The following PCSK2 variants were observed in gnomAD, a reference collection of about 807,000 sequenced individuals.
The protein encoded by PCSK2 is neuroendocrine convertase 2.
A neutral mutation model predicts 69.7 loss-of-function variants in PCSK2; 14 were observed. The observed-to-expected ratio is 0.20, with a 90% CI of 0.13 to 0.31. The LOEUF (loss-of-function observed/expected upper bound fraction) is 0.31, where lower values mean the gene tolerates loss of function less well. Among genes scored for constraint, PCSK2 ranks in the 10% least tolerant of loss-of-function variants. The probability of loss-of-function intolerance (pLI) is 1.00; values close to 1 mark genes in which losing one functional copy is unlikely to be tolerated. For missense variants in PCSK2, 544 were observed against 842.5 expected (o/e 0.65, Z 4.39); for synonymous variants, 307 against 320.7 (o/e 0.96, Z 0.46).
intron 5 of PCSK2, among the ~76,000 whole-genome samples, chr20:17,392,888 A>C (rs996017014): frequency 2.0e-5 from 3 of 152,224 alleles, no homozygotes; most frequent in African/African-American, 7.2e-5. Context: ...ATACATCTAC[A>C]CACAGATTTT....
At chr20:17,417,489 C>T (rs1190012207) in intron 6 of PCSK2, among the ~76,000 whole-genome samples, 2 of 152,154 alleles carry the variant, frequency 1.3e-5, no homozygotes, top group Non-Finnish European at 2.9e-5. Flanking sequence ...TTCAAAGATC[C>T]TCACGCACTA....
intron 1 of PCSK2, among the ~76,000 whole-genome samples, chr20:17,249,464 G>T (rs916160941): frequency 7.2e-6 from 1 of 138,322 alleles, no homozygotes; most frequent in African/African-American, 2.8e-5. Flanking sequence ...CCGAGATCGC[G>T]CCACTGCACT....
Position 17,369,244 on chromosome 20 carries a change from T to C in PCSK2, c.510T>C (p.Ile170=). 1.2e-6 allele frequency: 2 copies of C among 1,613,810 alleles called. No individual in the cohort carries two copies. The highest frequency in any genetic ancestry group is 2.2e-5 in the South Asian group (2 of 91,042). Residue 170 remains isoleucine (I), a synonymous_variant, in exon 5 of 12, where the codon ATT becomes ATC. Transcript: ENST00000262545. Reference sequence around the variant, plus strand: ...GTTATTGTTGTCTTTTCACAGGGATTGACTATCTCCACCCGGACCTGGCCT... The same window carrying C: ...GTTATTGTTGTCTTTTCACAGGGATCGACTATCTCCACCCGGACCTGGCCT... ...GVTIGIMDDG[I]DYLHPDLASN...
chr20:17,326,682 C>G (rs1234984290), intron 2 of PCSK2, among the ~76,000 whole-genome samples: 1 of 152,216 alleles, frequency 6.6e-6, no homozygotes, highest in East Asian at 1.9e-4. Context: ...TGGTTTATGA[C>G]AGCAAGAATT....
chr20:17,470,685 A>C (rs556234923), intron 11 of PCSK2, among the ~76,000 whole-genome samples: 1 of 152,332 alleles, frequency 6.6e-6, no homozygotes, highest in South Asian at 2.1e-4. Flanking sequence ...TGGCATCCCT[A>C]GTCTTAATTT....
At chr20:17,384,425 CAA>C (rs11478291) in intron 5 of PCSK2, among the ~76,000 whole-genome samples, 41 of 106,516 alleles carry the variant, frequency 3.8e-4, no homozygotes, top group Middle Eastern at 5.3e-3. Flanking sequence ...CCATATCTAC[CAA>C]AAAAAAAAAA....
At chr20:17,447,930 C>A (rs938822954) in intron 8 of PCSK2, among the ~76,000 whole-genome samples, 1 of 152,116 alleles carries the variant, frequency 6.6e-6, no homozygotes, top group African/African-American at 2.4e-5. Context: ...CGTTCTTATA[C>A]TTTGCATTTA....
chr20:17,335,407 G>GACAGCATC (rs1373491212), intron 2 of PCSK2, among the ~76,000 whole-genome samples: 56 of 140,668 alleles, frequency 4.0e-4, no homozygotes, highest in African/African-American at 1.4e-3. Context: ...TTGTAAGTCA[G>GACAGCATC]ACAGCATCAC....
At chr20:17,439,707 A>T (rs1349892765) in intron 8 of PCSK2, among the ~76,000 whole-genome samples, 1 of 152,240 alleles carries the variant, frequency 6.6e-6, no homozygotes, top group Non-Finnish European at 1.5e-5. Flanking sequence ...GCAAGTTCAC[A>T]TGTAACTTCC....
chr20:17,347,936 G>C (rs55750652), intron 2 of PCSK2, among the ~76,000 whole-genome samples: 1 of 13,202 alleles, frequency 7.6e-5, no homozygotes, highest in Admixed American at 1.3e-3. Context: ...AGAAAAAAGA[G>C]AAAGAAAGAA....
At chr20:17,244,899 G>A (rs548733828) in intron 1 of PCSK2, among the ~76,000 whole-genome samples, 3 of 152,244 alleles carry the variant, frequency 2.0e-5, no homozygotes, top group African/African-American at 4.8e-5. Flanking sequence ...GGGCACGGGC[G>A]GTGGCCTCTT....
chr20:17,293,597 C>T (rs971879622), intron 2 of PCSK2, among the ~76,000 whole-genome samples: 2 of 151,892 alleles, frequency 1.3e-5, no homozygotes, highest in Non-Finnish European at 1.5e-5. Flanking sequence ...TTTCTTTTAA[C>T]GAATTAATTT....
intron 2 of PCSK2, among the ~76,000 whole-genome samples, chr20:17,267,255 G>C (rs6044711): frequency 0.32 from 48,046 of 152,086 alleles, 8,265 homozygotes; most frequent in Middle Eastern, 0.46. Flanking sequence ...TTCTGACCTA[G>C]CCTCCCATCT....
chr20:17,339,346 C>A (rs114403330), intron 2 of PCSK2, among the ~76,000 whole-genome samples: 1,833 of 152,260 alleles, frequency 0.012, 36 homozygotes, highest in African/African-American at 0.042. Flanking sequence ...TGTGAGCCAC[C>A]ACGTCCTGGG....
At chr20:17,287,052 C>T (rs537994388) in intron 2 of PCSK2, among the ~76,000 whole-genome samples, 70 of 152,244 alleles carry the variant, frequency 4.6e-4, no homozygotes, top group African/African-American at 1.6e-3. Context: ...CTTCCTTAAG[C>T]GGACCATAGT....
intron 2 of PCSK2, among the ~76,000 whole-genome samples, chr20:17,268,492 G>A (rs1445690697): frequency 6.6e-6 from 1 of 152,086 alleles, no homozygotes; most frequent in Admixed American, 6.6e-5. Context: ...TATTCATGTG[G>A]ATATCTGGAG....
At chr20:17,275,410 T>C (rs1339255272) in intron 2 of PCSK2, among the ~76,000 whole-genome samples, 1 of 152,046 alleles carries the variant, frequency 6.6e-6, no homozygotes, top group Non-Finnish European at 1.5e-5. Flanking sequence ...AGTTTTATGG[T>C]CCTCAATGTC....
rs560060144 is a variant in PCSK2 at position 17,240,369 on chromosome 20, G to A, written c.177+12887G>A. Among the ~76,000 whole-genome samples, 7 of 152,198 alleles carry A rather than the reference G, an allele frequency of 4.6e-5. No homozygotes were observed. In the East Asian group the frequency reaches 1.4e-3, roughly 30 times the overall value. On this transcript the variant is annotated intron_variant, in intron 1 of 11. Transcript: ENST00000262545. ...TGTCCCATCAAAGGGTGAGGAGGCT[G>A]GGATGTTTAACCTCCAGCTACCATT...
chr20:17,344,012 G>A (rs1011447439), intron 2 of PCSK2, among the ~76,000 whole-genome samples: 2 of 152,214 alleles, frequency 1.3e-5, no homozygotes, highest in African/African-American at 4.8e-5. Context: ...ACTGCCCACT[G>A]CAGGATGAAA....
Sources: allele counts gnomAD v4.1 joint callset (sites outside exome capture counted in the v4.1 genomes callset), GRCh38; gene constraint gnomAD v4.1.1; transcripts MANE v1.5; gene names NCBI Gene and HGNC (gene_info 2026-07-23, HGNC 2026-07-21).